Variants in RAP1GDS1 observed in about 807,000 individuals in gnomAD.
RAP1GDS1 encodes Rap1 GTPase-GDP dissociation stimulator 1, also known as RAP1, GTP-GDP dissociation stimulator 1.
A neutral mutation model predicts 71.1 loss-of-function variants in RAP1GDS1; 35 were observed. That is an observed-to-expected ratio of 0.49 (90% CI 0.38 to 0.65). The LOEUF is 0.65. RAP1GDS1 is among the 30% of genes least tolerant of loss of function. The pLI, the probability that RAP1GDS1 is intolerant of heterozygous loss-of-function variation, is 0.00. For missense variants in RAP1GDS1, 663 were observed against 706.1 expected, an observed-to-expected ratio of 0.94 and a Z score of 0.69; for synonymous variants, 229 against 243.1, an observed-to-expected ratio of 0.94 and a Z score of 0.54.
intron 2 of RAP1GDS1, among the ~76,000 whole-genome samples, chr4:98,334,674 CT>C (rs775338522): frequency 4.0e-4 from 61 of 152,064 alleles, no homozygotes; most frequent in Non-Finnish European, 7.1e-4. Flanking sequence ...AGTTCTTTTT[CT>C]TTTAGACTAT....
At chr4:98,278,775 T>C (rs1348352220) in intron 1 of RAP1GDS1, among the ~76,000 whole-genome samples, 1 of 152,202 alleles carries the variant, frequency 6.6e-6, no homozygotes, top group African/African-American at 2.4e-5. Context: ...AATTTTAATA[T>C]GGAAACTTTC....
chr4:98,300,462 C>T (rs866190246), intron 2 of RAP1GDS1, among the ~76,000 whole-genome samples: 11 of 151,346 alleles, frequency 7.3e-5, no homozygotes, highest in East Asian at 1.9e-4. Flanking sequence ...TGCAGTGGCA[C>T]GATCTTGGCT....
In RAP1GDS1 at chr4:98,442,368, A is replaced by G; in HGVS notation, c.*251A>G. On this transcript the variant is annotated 3_prime_UTR_variant, in exon 15 of 15. Transcript: ENST00000408927. The stretch of plus-strand genomic sequence containing the variant: ...TATTCCTGTTGCTTGAGCTACATTA[A>G]GTAGAATGTGCATGTTGTAGTCCTA... 1 of 394,424 alleles carries G rather than the reference A, an allele frequency of 2.5e-6. No homozygotes were observed. The highest frequency in any genetic ancestry group is 4.9e-5 in the South Asian group (1 of 20,224). The allele number at this position is 394,424 out of a possible 1,614,324, so 24.4% of individuals were successfully genotyped here. A position where few individuals can be genotyped will look rare whatever the true frequency, so the allele number is the denominator to read the frequency against.
At chr4:98,390,367 A>G (rs1743429707) in intron 5 of RAP1GDS1, among the ~76,000 whole-genome samples, 1 of 152,186 alleles carries the variant, frequency 6.6e-6, no homozygotes, top group Non-Finnish European at 1.5e-5. Flanking sequence ...AGTATATTTT[A>G]ATTCTTATCT....
At chr4:98,334,111 A>G (rs369152329) in intron 2 of RAP1GDS1, among the ~76,000 whole-genome samples, 19 of 152,112 alleles carry the variant, frequency 1.2e-4, no homozygotes, top group African/African-American at 4.3e-4. Flanking sequence ...ATTACTATGT[A>G]TTTCATGTAA....
rs571862927 is a variant in RAP1GDS1 at position 98,404,501 on chromosome 4, G to A, written c.662G>A (p.Ser221Asn). 1.2e-6 allele frequency: 2 copies of A among 1,605,688 alleles called. No individual in the cohort carries two copies. The highest frequency in any genetic ancestry group is 2.2e-5 in the South Asian group (2 of 89,014). Residue 221 changes from serine (S) to asparagine (N), a missense_variant, in exon 7 of 15, where the codon AGT (serine) becomes AAT (asparagine). Ser to Asn is a conservative substitution (Grantham distance 46). Coordinates refer to ENST00000408927, the MANE Select transcript of RAP1GDS1 (RefSeq NM_001100427.2). The part of the protein sequence containing the change: ...ELESSKEQFA[S>N]TNIAEELVKL... Reference sequence around the variant, plus strand: ...GAGTCAAGTAAAGAACAGTTTGCCAGTACAAACATTGCTGAAGAGCTAGTA... The same window carrying A: ...GAGTCAAGTAAAGAACAGTTTGCCAATACAAACATTGCTGAAGAGCTAGTA...
chr4:98,288,345 TACAA>T (rs747928684), intron 1 of RAP1GDS1, among the ~76,000 whole-genome samples: 2 of 152,172 alleles, frequency 1.3e-5, no homozygotes, highest in Non-Finnish European at 2.9e-5. Flanking sequence ...TCCATGTTCC[TACAA>T]AGGACATGAA....
intron 4 of RAP1GDS1, among the ~76,000 whole-genome samples, chr4:98,360,728 G>T (rs1738614704): frequency 6.6e-6 from 1 of 152,074 alleles, no homozygotes; most frequent in Non-Finnish European, 1.5e-5. Flanking sequence ...CAAGTAGGGT[G>T]CATTTTCCTT....
chr4:98,420,045 G>T lies in RAP1GDS1; in HGVS notation c.1201G>T (p.Ala401Ser), dbSNP rs1200977703. 1.9e-6 allele frequency: 3 copies of T among 1,605,390 alleles called. No homozygotes were observed. Among genetic ancestry groups the T allele is most frequent in the Non-Finnish European group, 1.7e-6 (2 of 1,175,694 alleles). Reference sequence around the variant, plus strand: ...TATAAATAAAGCAAAGATGTTATCAGCTGGGGTCACAGAGGCAGTTTTGAA... The same window carrying T: ...TATAAATAAAGCAAAGATGTTATCATCTGGGGTCACAGAGGCAGTTTTGAA... Reference protein sequence around the residue: ...PVINKAKMLSAGVTEAVLKFL... With the variant: ...PVINKAKMLSSGVTEAVLKFL... The change falls in exon 11 of 15, where the codon GCT becomes TCT. Residue 401 changes from alanine (A) to serine (S), a missense_variant. Coordinates refer to ENST00000408927, the MANE Select transcript of RAP1GDS1 (RefSeq NM_001100427.2).
At chr4:98,326,501 A>G (rs569474080) in intron 2 of RAP1GDS1, among the ~76,000 whole-genome samples, 3 of 152,284 alleles carry the variant, frequency 2.0e-5, no homozygotes, top group Non-Finnish European at 4.4e-5. Flanking sequence ...AACTTTAAAA[A>G]CATTTTGGCT....
intron 12 of RAP1GDS1, among the ~76,000 whole-genome samples, chr4:98,423,277 A>G (rs1338929738): frequency 6.6e-6 from 1 of 152,246 alleles, no homozygotes; most frequent in Non-Finnish European, 1.5e-5. Flanking sequence ...CTTTTCAGGC[A>G]AAGACAGCAG....
At chr4:98,425,605 A>G (rs1023769647) in intron 12 of RAP1GDS1, among the ~76,000 whole-genome samples, 1 of 152,242 alleles carries the variant, frequency 6.6e-6, no homozygotes, top group Non-Finnish European at 1.5e-5. Flanking sequence ...ACAAACTTTA[A>G]AGAAACAGCA....
intron 5 of RAP1GDS1, among the ~76,000 whole-genome samples, chr4:98,389,795 A>G (rs1743329571): frequency 6.6e-6 from 1 of 152,196 alleles, no homozygotes; most frequent in South Asian, 2.1e-4. Flanking sequence ...AGTGATAGAT[A>G]TGCCAAGTTA....
intron 2 of RAP1GDS1, among the ~76,000 whole-genome samples, chr4:98,335,191 T>C (rs1734539205): frequency 6.6e-6 from 1 of 152,160 alleles, no homozygotes; most frequent in Non-Finnish European, 1.5e-5. Context: ...CCATAAATTC[T>C]GTCAGGGTAT....
intron 4 of RAP1GDS1, among the ~76,000 whole-genome samples, chr4:98,354,728 A>C (rs577375308): frequency 2.0e-5 from 3 of 152,178 alleles, no homozygotes; most frequent in African/African-American, 7.2e-5. Flanking sequence ...TTTTCATTTT[A>C]TTATGAATAT....
chr4:98,290,414 A>C (rs911397101), intron 1 of RAP1GDS1, among the ~76,000 whole-genome samples: 2 of 152,092 alleles, frequency 1.3e-5, no homozygotes, highest in African/African-American at 2.4e-5. Context: ...AAGTACTTTT[A>C]TGGTCAAATT....
Position 98,418,689 on chromosome 4 carries a change from A to G in RAP1GDS1, c.1072A>G (p.Ile358Val). 6.2e-7 allele frequency: 1 copy of G among 1,609,870 alleles called. No individual in the cohort carries two copies. The part of the protein sequence containing the change: ...ANCIHMVDNG[I>V]VEKLMDLLDR... ...TTGTATTCATATGGTAGACAATGGG[A>G]TTGTAGAAAAACTTATGGATTTACT... Residue 358 changes from isoleucine (I) to valine (V), a missense_variant, in exon 10 of 15, where the codon ATT becomes GTT. Ile to Val is a conservative substitution (Grantham distance 29). Coordinates refer to ENST00000408927, the MANE Select transcript of RAP1GDS1 (RefSeq NM_001100427.2).
intron 6 of RAP1GDS1, among the ~76,000 whole-genome samples, chr4:98,393,931 T>C (rs1744122535): frequency 6.6e-6 from 1 of 152,170 alleles, no homozygotes; most frequent in African/African-American, 2.4e-5. Flanking sequence ...TATATATGGT[T>C]CCATTTTTGC....
chr4:98,415,408 TTAAAG>T (rs780714694), intron 7 of RAP1GDS1, among the ~76,000 whole-genome samples: 56 of 152,312 alleles, frequency 3.7e-4, no homozygotes, highest in East Asian at 2.3e-3. Flanking sequence ...GATTAAGAGA[TTAAAG>T]TAAAGACAGG....
Sources: gnomAD v4.1 joint callset for allele counts (sites outside exome capture counted in the v4.1 genomes callset) on GRCh38, gnomAD v4.1.1 for gene constraint, MANE v1.5 for transcripts, NCBI Gene and HGNC (gene_info 2026-07-23, HGNC 2026-07-21) for gene names.